Variants in AFF1 observed in about 807,000 individuals in gnomAD.
The protein encoded by AFF1 is AF4/FMR2 family member 1.
In AFF1, 48 loss-of-function variants were observed where a neutral mutation model predicts 121.7. The observed-to-expected ratio is 0.39, with a 90% CI of 0.31 to 0.50. The LOEUF (loss-of-function observed/expected upper bound fraction) is 0.50, where lower values mean the gene tolerates loss of function less well. AFF1 is among the 20% of genes least tolerant of loss of function. AFF1 has a pLI of 0.76. For missense variants in AFF1, 1,523 were observed against 1,511.7 expected (o/e 1.01, Z -0.12); for synonymous variants, 613 against 563.0 (o/e 1.09, Z -1.26).
At chr4:87,029,088 G>C (rs779747203) in intron 2 of AFF1, among the ~76,000 whole-genome samples, 10 of 152,156 alleles carry the variant, frequency 6.6e-5, no homozygotes, top group Admixed American at 3.3e-4. Flanking sequence ...AAATCGGGCA[G>C]GTTGTAATTT....
At chr4:87,073,024 G>T (rs1322086434) in intron 4 of AFF1, among the ~76,000 whole-genome samples, 1 of 149,452 alleles carries the variant, frequency 6.7e-6, no homozygotes, top group African/African-American at 2.5e-5. Flanking sequence ...CGCAGGAAAA[G>T]ATAATTAAGT....
chr4:87,068,950 C>T (rs1162127888), intron 4 of AFF1, among the ~76,000 whole-genome samples: 1 of 152,152 alleles, frequency 6.6e-6, no homozygotes, highest in East Asian at 1.9e-4. Flanking sequence ...CCACAGTGTA[C>T]AGCTGCCCCA....
chr4:86,950,559 A>G lies in AFF1; in HGVS notation c.38+1988A>G, dbSNP rs138211116. ...AATAAAAACATTATAAGAAATGTAG[A>G]CTCAGACTTATTTATAATGCAACAG... On this transcript the variant is annotated intron_variant, in intron 2 of 20. Transcript: ENST00000395146. Among the ~76,000 whole-genome samples, 523 of 152,348 alleles carry G rather than the reference A, an allele frequency of 3.4e-3. 2 individuals carry two copies. The highest frequency in any genetic ancestry group is 0.012 in the African/African-American group (498 of 41,580).
chr4:87,039,148 T>G (rs1241415049), intron 2 of AFF1, among the ~76,000 whole-genome samples: 2 of 152,236 alleles, frequency 1.3e-5, no homozygotes, highest in Non-Finnish European at 2.9e-5. Context: ...CTTGGGCCTT[T>G]CTGTTACTAT....
At chr4:86,962,880 A>T (rs1275031031) in intron 2 of AFF1, among the ~76,000 whole-genome samples, 1 of 152,198 alleles carries the variant, frequency 6.6e-6, no homozygotes, top group South Asian at 2.1e-4. Flanking sequence ...GAAGATAAGT[A>T]TAGGCCAAGC....
rs1384344743 is a variant in AFF1 at position 87,136,365 on chromosome 4, G to A, written c.*664G>A. The A allele has an allele frequency of 2.2e-5, 5 of 231,952 alleles. No homozygotes were observed. The highest frequency in any genetic ancestry group is 4.4e-5 in the African/African-American group (2 of 45,216). The allele number at this position is 231,952 out of a possible 1,614,324, so 14.4% of individuals were successfully genotyped here. A position where few individuals can be genotyped will look rare whatever the true frequency, so the allele number is the denominator to read the frequency against. On this transcript the variant is annotated 3_prime_UTR_variant, in exon 21 of 21. Transcript: ENST00000395146. ...CCCCAATCTCCCCATTGCCTAGAGC[G>A]CTGCACATTGACCCCAGCTCTGACT...
At position 87,108,265 on chromosome 4, in the gene AFF1, A is replaced by G. The variant is rs1455855575; in HGVS notation, c.1483A>G (p.Ser495Gly). 1.9e-6 allele frequency: 3 copies of G among 1,614,022 alleles called. No homozygotes were observed. Among genetic ancestry groups the G allele is most frequent in the East Asian group, 4.5e-5 (2 of 44,892 alleles). Residue 495 changes from serine to glycine, a missense_variant, in exon 11 of 21, where the codon AGT (serine) becomes GGT (glycine). This residue lies in a region of AFF1 where 905 missense variants were observed against 842.5 expected (regional missense o/e 1.07). Transcript: ENST00000395146. ...TTCCTCAGACTCAGAGAGCGAGAGC[A>G]GTTCAAGTGACAGCGAAGAAAATGA... ...DSSSDSESES[S>G]SSDSEENEPL...
At position 87,137,154 on chromosome 4, in the gene AFF1, C is replaced by CT. The variant is rs1729367639; in HGVS notation, c.*1459dup. 4.4e-6 allele frequency: 1 copy of CT among 226,926 alleles called. No individual in the cohort carries two copies. The highest frequency in any genetic ancestry group is 8.8e-6 in the Non-Finnish European group (1 of 114,024). 14.1% of individuals were successfully genotyped at this position (226,926 alleles called of 1,614,324 possible). A position where few individuals can be genotyped will look rare whatever the true frequency, so the allele number is the denominator to read the frequency against. On this transcript the variant is annotated 3_prime_UTR_variant, in exon 21 of 21. Transcript: ENST00000395146. ...AGTGCAGTGTTTTTAAAAGCCAATT[C>CT]TTTTTTATCCCTTTTAGAAGTAGAA...
Position 87,047,695 on chromosome 4 carries a change from CT to C in AFF1, c.1059+105del, listed in dbSNP as rs753150131. The C allele has an allele frequency of 1.1e-5, 16 of 1,485,760 alleles. No homozygotes were observed. In the South Asian group the frequency reaches 1.5e-4, roughly 14 times the overall value. 92.0% of individuals were successfully genotyped at this position (1,485,760 alleles called of 1,614,324 possible). A position where few individuals can be genotyped will look rare whatever the true frequency, so the allele number is the denominator to read the frequency against. On this transcript the variant is annotated intron_variant, in intron 4 of 20. Transcript: ENST00000395146. The stretch of plus-strand genomic sequence containing the variant: ...GCAAGGTGGGGAGGTTAGTCCATGG[CT>C]TTTGGGTAGGGGGAATTCTTTTTGG...
intron 1 of AFF1, among the ~76,000 whole-genome samples, chr4:86,938,445 G>C (rs563354073): frequency 8.9e-6 from 1 of 112,676 alleles, no homozygotes; most frequent in Non-Finnish European, 1.7e-5. Context: ...GCAAGACTCC[G>C]TCTCAAAAAA....
At chr4:87,076,028 T>A (rs1341554592) in intron 4 of AFF1, among the ~76,000 whole-genome samples, 1 of 152,130 alleles carries the variant, frequency 6.6e-6, no homozygotes, top group African/African-American at 2.4e-5. Context: ...GGGAAGCCTG[T>A]CTGGAGGAGA....
chr4:87,044,497 T>A (rs2069224571), intron 2 of AFF1, among the ~76,000 whole-genome samples: 1 of 152,114 alleles, frequency 6.6e-6, no homozygotes, highest in African/African-American at 2.4e-5. Context: ...CTTGGTGGAT[T>A]TGAGGAAGCC....
At chr4:87,012,377 A>G (rs1002518863) in intron 2 of AFF1, among the ~76,000 whole-genome samples, 1 of 152,160 alleles carries the variant, frequency 6.6e-6, no homozygotes, top group Non-Finnish European at 1.5e-5. Flanking sequence ...GTGGAAATAC[A>G]ATATGCACCT....
intron 12 of AFF1, among the ~76,000 whole-genome samples, chr4:87,122,334 C>A (rs1020778236): frequency 3.3e-5 from 5 of 152,174 alleles, no homozygotes; most frequent in Non-Finnish European, 7.3e-5. Flanking sequence ...CTATTTTAAC[C>A]CCATCATTTC....
intron 5 of AFF1, among the ~76,000 whole-genome samples, chr4:87,086,582 T>G (rs1055775292): frequency 1.3e-5 from 2 of 152,194 alleles, no homozygotes; most frequent in Non-Finnish European, 2.9e-5. Flanking sequence ...ATAGGCCTTT[T>G]CATATTGGAG....
intron 4 of AFF1, among the ~76,000 whole-genome samples, chr4:87,069,469 GTC>G (rs1241792728): frequency 7.9e-5 from 10 of 126,722 alleles, no homozygotes; most frequent in Non-Finnish European, 1.4e-4. Context: ...CCTCCCTCTC[GTC>G]TCTCTTCCTT....
At position 87,114,445 on chromosome 4, in the gene AFF1, G is replaced by A. The variant is rs770803531; in HGVS notation, c.1612G>A (p.Gly538Ser). 30 of 1,613,472 alleles carry A rather than the reference G, an allele frequency of 1.9e-5. No individual in the cohort carries two copies. The highest frequency in any genetic ancestry group is 1.6e-4 in the Middle Eastern group (1 of 6,084). Residue 538 changes from glycine (G) to serine (S), a missense_variant, in exon 12 of 21, where the codon GGC becomes AGC. By Grantham distance (56) the Gly-to-Ser change is moderately conservative. Transcript: ENST00000395146. ...CAGCCAGCCAGCTGCGCCACCAGAG[G>A]GCCCCAGGAGCACAGAGCCCCCACG... Reference protein sequence around the residue: ...KVSQPAAPPEGPRSTEPPRRH... With the variant: ...KVSQPAAPPESPRSTEPPRRH...
chr4:87,058,775 T>C (rs913048857), intron 4 of AFF1, among the ~76,000 whole-genome samples: 2 of 152,200 alleles, frequency 1.3e-5, no homozygotes, highest in Non-Finnish European at 2.9e-5. Context: ...GAGACAGAAG[T>C]AGGTAAACAC....
intron 4 of AFF1, 54 bp from the exon 5 acceptor site, chr4:87,084,066 C>T (rs1441869682): frequency 6.6e-7 from 1 of 1,518,268 alleles, no homozygotes. Context: ...CCACCAGTAC[C>T]ATCACTCTTG....
Sources: gnomAD v4.1 joint callset for allele counts (sites outside exome capture counted in the v4.1 genomes callset) on GRCh38, gnomAD v4.1.1 for gene constraint, gnomAD v4.1.1 regional missense constraint, MANE v1.5 for transcripts, NCBI Gene and HGNC (gene_info 2026-07-23, HGNC 2026-07-21) for gene names.